The following LYST variants were observed in gnomAD, a reference collection of about 807,000 sequenced individuals.
The protein encoded by LYST is lysosomal trafficking regulator.
LYST carries 192 observed loss-of-function variants against 413.6 expected under a neutral mutation model. That is an observed-to-expected ratio of 0.46 (90% confidence interval 0.41 to 0.52). The LOEUF (loss-of-function observed/expected upper bound fraction) is 0.52. Ranked by LOEUF, LYST falls within the 20% of genes least tolerant of loss-of-function variation. The probability of loss-of-function intolerance (pLI) is 0.00; values close to 1 mark genes in which losing one functional copy is unlikely to be tolerated. For missense variants in LYST, 3,815 were observed against 4,499.9 expected, an observed-to-expected ratio of 0.85 and a Z score of 4.35; for synonymous variants, 1,525 against 1,567.3, an observed-to-expected ratio of 0.97 and a Z score of 0.64.
chr1:235,751,586 T>C (rs1416402059), intron 27 of LYST, among the ~76,000 whole-genome samples: 1 of 152,230 alleles, frequency 6.6e-6, no homozygotes, highest in African/African-American at 2.4e-5. Flanking sequence ...TATTAGCTCA[T>C]AAATTTATTT....
At chr1:235,713,055 C>G in intron 42 of LYST, 1 of 985,362 alleles carries the variant, frequency 1.0e-6, no homozygotes, top group Non-Finnish European at 1.2e-6. Flanking sequence ...ACAAACACAT[C>G]GCAGCATCAG....
chr1:235,800,986 T>C lies in LYST; in HGVS notation c.3824A>G (p.Glu1275Gly). 6.2e-7 allele frequency: 1 copy of C among 1,613,680 alleles called. No individual in the cohort carries two copies. Among genetic ancestry groups the C allele is most frequent in the Non-Finnish European group, 8.5e-7 (1 of 1,179,680 alleles). ...TTTACTAGCAGAAAGCAAATTTAAT[T>C]CCAGCATACAAATCTCAGGATAAAT... ...EIIYPEICML[E>G]LNLLSASKAK... Residue 1275 changes from glutamate to glycine, a missense_variant, in exon 9 of 53, where the codon GAA becomes GGA. By Grantham distance (98) the Glu-to-Gly change is moderately conservative. Transcript: ENST00000389793.
At chr1:235,671,509 G>A (rs936378931) in intron 50 of LYST, among the ~76,000 whole-genome samples, 4 of 152,172 alleles carry the variant, frequency 2.6e-5, no homozygotes, top group African/African-American at 9.7e-5. Context: ...TGTGGGGAGG[G>A]TTAATACTTT....
chr1:235,857,228 T>G (rs1679292600), intron 1 of LYST, among the ~76,000 whole-genome samples: 1 of 152,142 alleles, frequency 6.6e-6, no homozygotes, highest in African/African-American at 2.4e-5. Context: ...ATACCAGTGA[T>G]AAGTAACCAG....
chr1:235,702,199 T>C (rs1661605608), intron 45 of LYST, among the ~76,000 whole-genome samples: 1 of 152,246 alleles, frequency 6.6e-6, no homozygotes, highest in Non-Finnish European at 1.5e-5. Context: ...TAAGGCTTGC[T>C]TGATTTTTCT....
intron 1 of LYST, among the ~76,000 whole-genome samples, chr1:235,850,164 G>C (rs1572450875): frequency 6.6e-6 from 1 of 152,090 alleles, no homozygotes; most frequent in Non-Finnish European, 1.5e-5. Flanking sequence ...TGTGGTACTG[G>C]TATAAAAATA....
intron 3 of LYST, among the ~76,000 whole-genome samples, chr1:235,825,719 A>T (rs1468323966): frequency 6.6e-6 from 1 of 152,250 alleles, no homozygotes; most frequent in East Asian, 1.9e-4. Flanking sequence ...ATGTTCATGC[A>T]TTGGAAAACT....
At chr1:235,849,775 CAAAAAAAAAAAAA>C (rs57262471) in intron 1 of LYST, among the ~76,000 whole-genome samples, 3 of 61,842 alleles carry the variant, frequency 4.9e-5, no homozygotes, top group Non-Finnish European at 6.6e-5. Context: ...ACAATAGCTC[CAAAAAAAAAAAAA>C]AAAAAAAAAA....
At chr1:235,848,601 A>G (rs1678164772) in intron 1 of LYST, among the ~76,000 whole-genome samples, 1 of 152,164 alleles carries the variant, frequency 6.6e-6, no homozygotes. Flanking sequence ...GGTTCTTTGA[A>G]AAGATAAATA....
chr1:235,793,933 A>G (rs1671295599), intron 10 of LYST, among the ~76,000 whole-genome samples: 1 of 152,060 alleles, frequency 6.6e-6, no homozygotes, highest in Admixed American at 6.6e-5. Context: ...CCCAGGTTCA[A>G]GCAATTCTCC....
chr1:235,810,380 C>T lies in LYST; in HGVS notation c.438G>A (p.Gln146=), dbSNP rs753089428. The change falls in exon 5 of 53, where the codon CAG becomes CAA. Residue 146 remains glutamine (Q), a synonymous_variant. Transcript: ENST00000389793. Reference sequence around the variant, plus strand: ...CAGAATAGCGATGGGTAATTTTACGCTGTCGTCTGCTTTTTCGAAAAACAT... The same window carrying T: ...CAGAATAGCGATGGGTAATTTTACGTTGTCGTCTGCTTTTTCGAAAAACAT... ...KVNVFRKSRR[Q]RKITHRYSVR... is the part of the protein sequence containing the mutation. 9.9e-6 allele frequency: 16 copies of T among 1,613,164 alleles called. No homozygotes were observed. In the East Asian group the frequency reaches 3.3e-4, roughly 34 times the overall value.
In LYST at chr1:235,788,760, T is replaced by A. The variant is rs144307860; in HGVS notation, c.4629A>T (p.Gly1543=). 6.2e-7 allele frequency: 1 copy of A among 1,613,778 alleles called. No homozygotes were observed. The highest frequency in any genetic ancestry group is 8.5e-7 in the Non-Finnish European group (1 of 1,179,790). The change falls in exon 13 of 53, where the codon GGA becomes GGT. Residue 1543 remains glycine (G), a synonymous_variant. Coordinates refer to ENST00000389793, the MANE Select transcript of LYST (RefSeq NM_000081.4). ...EEGCIHIISL[G]SKALMIQVWA... Reference sequence around the variant, plus strand: ...ACACTTGGATCATCAACGCTTTGGATCCCAGTGAAATTATATGAATACATC... The same window carrying A: ...ACACTTGGATCATCAACGCTTTGGAACCCAGTGAAATTATATGAATACATC...
intron 1 of LYST, among the ~76,000 whole-genome samples, chr1:235,865,602 T>C (rs1680422417): frequency 6.6e-6 from 1 of 152,216 alleles, no homozygotes; most frequent in Admixed American, 6.5e-5. Context: ...CTCCAATCTT[T>C]GTAGTAACAA....
At chr1:235,663,848 G>C in intron 52 of LYST, 136 bp downstream of exon 52, 1 of 757,088 alleles carries the variant, frequency 1.3e-6, no homozygotes, top group Non-Finnish European at 2.4e-6. Flanking sequence ...CGGACAACCC[G>C]CTGTGTGTTA....
At chr1:235,671,303 A>C (rs1480211295) in intron 50 of LYST, among the ~76,000 whole-genome samples, 2 of 152,208 alleles carry the variant, frequency 1.3e-5, no homozygotes, top group African/African-American at 4.8e-5. Flanking sequence ...ATATAAGCAA[A>C]TATATCAACT....
At position 235,774,913 on chromosome 1, in the gene LYST, C is replaced by T. The variant is rs1215893050; in HGVS notation, c.5634G>A (p.Lys1878=). 3 of 1,599,018 alleles carry T rather than the reference C, an allele frequency of 1.9e-6. No homozygotes were observed. Among genetic ancestry groups the T allele is most frequent in the South Asian group, 1.1e-5 (1 of 90,666 alleles). The change falls in exon 18 of 53, where the codon AAG becomes AAA. Residue 1878 remains lysine (K), a splice_region_variant and synonymous_variant. Transcript: ENST00000389793. ...AAGAATAAATTTTATGAAGACATAC[C>T]TTCAAAATGTAAAACCCAACAATGC... is the stretch of plus-strand genomic sequence containing the variant. The part of the protein sequence containing the change: ...QKCIVGFYIL[K]TLLEGCCGED...
At chr1:235,669,175 G>A (rs1446171577) in intron 50 of LYST, among the ~76,000 whole-genome samples, 4 of 152,180 alleles carry the variant, frequency 2.6e-5, no homozygotes, top group African/African-American at 9.7e-5. Context: ...CAGTGGGCAG[G>A]ACTACATAGC....
chr1:235,752,101 C>G lies in LYST; in HGVS notation c.7531G>C (p.Ala2511Pro). 1 of 1,611,276 alleles carries G rather than the reference C, an allele frequency of 6.2e-7. No individual in the cohort carries two copies. The highest frequency in any genetic ancestry group is 8.5e-7 in the Non-Finnish European group (1 of 1,177,790). ...QQLFIAVTIH[A>P]CSSSGSQYFR... Reference sequence around the variant, plus strand: ...TATTGTGAGCCTGAGGAACTGCAAGCATGAATTGTAACTGCTATGAAAAGT... The same window carrying G: ...TATTGTGAGCCTGAGGAACTGCAAGGATGAATTGTAACTGCTATGAAAAGT... The change falls in exon 27 of 53, where the codon GCT (alanine) becomes CCT (proline). Residue 2511 changes from alanine to proline, a missense_variant. Ala to Pro is a conservative substitution (Grantham distance 27). Around this residue, in one of 4 missense-constraint regions of LYST, gnomAD observed 771 missense variants for 837.1 expected, o/e 0.92. Transcript: ENST00000389793.
intron 3 of LYST, among the ~76,000 whole-genome samples, chr1:235,822,889 T>C (rs1042147410): frequency 2.0e-5 from 3 of 152,196 alleles, no homozygotes; most frequent in South Asian, 2.1e-4. Context: ...TGAGAAGCCA[T>C]GTGGATGAGA....
Sources: gnomAD v4.1 joint callset for allele counts (sites outside exome capture counted in the v4.1 genomes callset) on GRCh38, gnomAD v4.1.1 for gene constraint, gnomAD v4.1.1 regional missense constraint, MANE v1.5 for transcripts, NCBI Gene and HGNC (gene_info 2026-07-23, HGNC 2026-07-21) for gene names.